Variants in PTPRB observed in about 807,000 individuals in gnomAD.
PTPRB encodes the protein protein tyrosine phosphatase receptor type B.
Under a neutral mutation model 238.1 loss-of-function variants are expected in PTPRB, and 97 were observed. The ratio of observed to expected loss-of-function variants is 0.41; its 90% CI spans 0.35 to 0.48. The LOEUF (loss-of-function observed/expected upper bound fraction) is 0.48. PTPRB is among the 20% of genes least tolerant of loss of function. PTPRB has a pLI of 0.30. For missense variants in PTPRB, 2,292 were observed against 2,681.9 expected (o/e 0.85, Z 3.21); for synonymous variants, 970 against 995.4 (o/e 0.97, Z 0.48).
At chr12:70,580,511 A>T (rs1048019371) in intron 10 of PTPRB, among the ~76,000 whole-genome samples, 3 of 152,188 alleles carry the variant, frequency 2.0e-5, no homozygotes. Flanking sequence ...GAGTTCTTAC[A>T]TGTTCATTGG....
intron 10 of PTPRB, among the ~76,000 whole-genome samples, chr12:70,580,441 A>G (rs1171759831): frequency 6.6e-6 from 1 of 152,190 alleles, no homozygotes; most frequent in Non-Finnish European, 1.5e-5. Flanking sequence ...CCTTAACTGG[A>G]ACATAAACAT....
chr12:70,580,873 A>G (rs546760343), intron 10 of PTPRB, among the ~76,000 whole-genome samples, 163 bp downstream of exon 10: 2 of 152,174 alleles, frequency 1.3e-5, no homozygotes, highest in African/African-American at 4.8e-5. Context: ...CCATCGCCCA[A>G]TTTCCATTCC....
intron 2 of PTPRB, among the ~76,000 whole-genome samples, chr12:70,628,337 A>G (rs553534408): frequency 6.6e-6 from 1 of 152,322 alleles, no homozygotes; most frequent in African/African-American, 2.4e-5. Context: ...GTGAAAAATA[A>G]CAATTTTAGA....
chr12:70,631,271 A>C (rs1256322627), intron 2 of PTPRB, among the ~76,000 whole-genome samples: 1 of 152,148 alleles, frequency 6.6e-6, no homozygotes, highest in African/African-American at 2.4e-5. Context: ...CAGAAATAAT[A>C]CCGCACATCT....
chr12:70,530,189 A>AAAG, intron 32 of PTPRB, among the ~76,000 whole-genome samples: 1 of 152,340 alleles, frequency 6.6e-6, no homozygotes, highest in Admixed American at 6.5e-5. Flanking sequence ...TTTTTTATAA[A>AAAG]AAGTAATTTT....
At position 70,608,852 on chromosome 12, in the gene PTPRB, T is replaced by C. The variant is rs548216882; in HGVS notation, c.979+217A>G. 1.4e-4 allele frequency: 93 copies of C among 645,518 alleles called. 1 individual carries two copies. The South Asian group carries it at 1.9e-3, about 13-fold the overall frequency. 40.0% of individuals were successfully genotyped at this position (645,518 alleles called of 1,614,324 possible). On this transcript the variant is annotated intron_variant, in intron 4 of 33. Transcript: ENST00000334414. ...ACCCCACCCCGACCCTTTCAGTAGC[T>C]AGTTGGCTGTTTTCAGCACTAAGGG...
chr12:70,560,614 G>C lies in PTPRB; in HGVS notation c.4432+57C>G. 1 of 1,591,560 alleles carries C rather than the reference G, an allele frequency of 6.3e-7. No homozygotes were observed. Among genetic ancestry groups the C allele is most frequent in the Non-Finnish European group, 8.6e-7 (1 of 1,167,174 alleles). ...TTGTCATTAAAATCAGAATCAAAAT[G>C]TGTCTCTGGAAGCTACTTCCCACCA... On this transcript the variant is annotated intron_variant, in intron 17 of 33. Coordinates refer to ENST00000334414, the MANE Select transcript of PTPRB (RefSeq NM_001109754.4). The surrounding 1 kb of genome is among the most constrained non-coding windows in gnomAD (Gnocchi z 4.2).
At chr12:70,538,094 C>G in intron 28 of PTPRB, 61 bp downstream of exon 28, 1 of 1,379,456 alleles carries the variant, frequency 7.2e-7, no homozygotes. Flanking sequence ...GGAGTGGCAT[C>G]TCCAGTGTAG....
chr12:70,584,837 T>C (rs1158820043), intron 9 of PTPRB: 18 of 151,980 alleles, frequency 1.2e-4, no homozygotes, highest in Admixed American at 1.2e-3. Context: ...AAAAAGGTAG[T>C]AAATTGGTAG....
At chr12:70,531,606 T>G (rs1321692672) in intron 32 of PTPRB, among the ~76,000 whole-genome samples, 2 of 152,196 alleles carry the variant, frequency 1.3e-5, no homozygotes, top group Non-Finnish European at 1.5e-5. Flanking sequence ...ATGTCTCGCT[T>G]GGTTATTGTG....
chr12:70,595,220 T>C (rs1300301910), intron 5 of PTPRB, among the ~76,000 whole-genome samples: 2 of 152,098 alleles, frequency 1.3e-5, no homozygotes, highest in Non-Finnish European at 2.9e-5. Context: ...ACACTGCATG[T>C]TCTCACTCAT....
chr12:70,636,467 C>T (rs1325311064), intron 1 of PTPRB, among the ~76,000 whole-genome samples: 2 of 152,040 alleles, frequency 1.3e-5, no homozygotes, highest in Non-Finnish European at 2.9e-5. Flanking sequence ...TTGACATATT[C>T]GATATAAGCT....
chr12:70,637,313 CTCAGGA>C, intron 1 of PTPRB, 22 bp downstream of exon 1: 1 of 1,589,152 alleles, frequency 6.3e-7, no homozygotes, highest in Non-Finnish European at 8.6e-7. Flanking sequence ...GAAGAAATGC[CTCAGGA>C]CACTGAGGCA....
At chr12:70,634,021 A>T (rs1885574417) in intron 2 of PTPRB, among the ~76,000 whole-genome samples, 1 of 152,212 alleles carries the variant, frequency 6.6e-6, no homozygotes, top group African/African-American at 2.4e-5. Flanking sequence ...CTATATGCTG[A>T]ATATTTTCTG....
In PTPRB at chr12:70,569,787, C is replaced by G. The variant is rs1228233548; in HGVS notation, c.3522G>C (p.Lys1174Asn). 1.2e-6 allele frequency: 2 copies of G among 1,613,886 alleles called. No homozygotes were observed. The highest frequency in any genetic ancestry group is 1.7e-6 in the Non-Finnish European group (2 of 1,179,864). The stretch of plus-strand genomic sequence containing the variant: ...TGTGGAACGTGTGCTCAAAGACGTG[C>G]TTGGGAATAGTCTGAGAGTCAACCT... ...SQKVDSQTIP[K>N]HVFEHTFHRL... is the part of the protein sequence containing the mutation. The change falls in exon 14 of 34, where the codon AAG becomes AAC. Residue 1174 changes from lysine to asparagine, a missense_variant. Around this residue, in one of 4 missense-constraint regions of PTPRB, gnomAD observed 683 missense variants for 862.0 expected, o/e 0.79. Coordinates refer to ENST00000334414, the MANE Select transcript of PTPRB (RefSeq NM_001109754.4).
At chr12:70,597,540 TGAG>T (rs1330763382) in intron 4 of PTPRB, among the ~76,000 whole-genome samples, 1 of 152,192 alleles carries the variant, frequency 6.6e-6, no homozygotes, top group Non-Finnish European at 1.5e-5. Context: ...GTAGAACTAT[TGAG>T]AGACCTCTTT....
intron 12 of PTPRB, 148 bp downstream of exon 12, chr12:70,571,676 T>C (rs1880067000): frequency 1.1e-6 from 1 of 896,472 alleles, no homozygotes; most frequent in Non-Finnish European, 1.7e-6. Context: ...TTATAGGCCA[T>C]GGCTTGGCTG....
chr12:70,538,767 G>A (rs1052079036), intron 27 of PTPRB, 157 bp downstream of exon 27: 10 of 638,170 alleles, frequency 1.6e-5, no homozygotes, highest in Admixed American at 2.7e-5. Context: ...GGAGGGAAGT[G>A]CAGGAATATA....
At chr12:70,531,112 A>G (rs868354766) in intron 32 of PTPRB, among the ~76,000 whole-genome samples, 1 of 152,164 alleles carries the variant, frequency 6.6e-6, no homozygotes, top group Non-Finnish European at 1.5e-5. Context: ...GGATATTAAT[A>G]TGTGCTGCAC....
Sources: allele counts gnomAD v4.1 joint callset (sites outside exome capture counted in the v4.1 genomes callset), GRCh38; gene constraint gnomAD v4.1.1; regional missense constraint gnomAD v4.1.1; non-coding constraint Gnocchi (gnomAD v3.1); transcripts MANE v1.5; gene names NCBI Gene and HGNC (gene_info 2026-07-23, HGNC 2026-07-21).